Variants in CFAP299 observed in about 807,000 individuals in gnomAD.
CFAP299 encodes the protein cilia- and flagella-associated protein 299.
Under a neutral mutation model 27.0 loss-of-function variants are expected in CFAP299, and 21 were observed. That is an observed-to-expected ratio of 0.78 (90% CI 0.55 to 1.12). The LOEUF (loss-of-function observed/expected upper bound fraction) is 1.12, where lower values mean the gene tolerates loss of function less well. Among genes scored for constraint, CFAP299 ranks in the 50% most tolerant of loss-of-function variants. The pLI, the probability that CFAP299 is intolerant of heterozygous loss-of-function variation, is 0.00. For missense variants in CFAP299, 310 were observed against 276.6 expected (o/e 1.12, Z -0.86); for synonymous variants, 104 against 98.1 (o/e 1.06, Z -0.36).
At chr4:80,863,016 T>A (rs2110160896) in intron 3 of CFAP299, among the ~76,000 whole-genome samples, 1 of 152,288 alleles carries the variant, frequency 6.6e-6, no homozygotes, top group South Asian at 2.1e-4. Context: ...CTAAAATTAA[T>A]GATTCATTAG....
intron 3 of CFAP299, among the ~76,000 whole-genome samples, chr4:80,617,782 T>C (rs937954711): frequency 1.3e-5 from 2 of 152,158 alleles, no homozygotes; most frequent in African/African-American, 2.4e-5. Flanking sequence ...CCTTAAAGCA[T>C]ATTGAAACTA....
At chr4:80,516,010 T>C (rs35689527) in intron 2 of CFAP299, among the ~76,000 whole-genome samples, 1 of 150,190 alleles carries the variant, frequency 6.7e-6, no homozygotes, top group African/African-American at 2.5e-5. Flanking sequence ...AGTCTGTTTC[T>C]GCATTTCTTT....
At chr4:80,762,306 G>C (rs1725582879) in intron 3 of CFAP299, among the ~76,000 whole-genome samples, 1 of 151,902 alleles carries the variant, frequency 6.6e-6, no homozygotes, top group Non-Finnish European at 1.5e-5. Context: ...CCAAAAATTT[G>C]ACCTTGTGGA....
chr4:80,862,072 C>A (rs2110159963), intron 3 of CFAP299, among the ~76,000 whole-genome samples: 1 of 152,204 alleles, frequency 6.6e-6, no homozygotes, highest in Non-Finnish European at 1.5e-5. Context: ...ACCGGCAATT[C>A]AAAATAAAGC....
chr4:80,645,705 C>G (rs1466601554), intron 3 of CFAP299, among the ~76,000 whole-genome samples: 2 of 152,120 alleles, frequency 1.3e-5, no homozygotes, highest in Non-Finnish European at 2.9e-5. Flanking sequence ...GATAGAACTT[C>G]AGGTAGTTTA....
intron 3 of CFAP299, among the ~76,000 whole-genome samples, chr4:80,731,912 A>T (rs1723547174): frequency 6.6e-6 from 1 of 152,138 alleles, no homozygotes; most frequent in South Asian, 2.1e-4. Context: ...CCATAATTTT[A>T]AATTTATCAG....
chr4:80,668,147 T>G, intron 3 of CFAP299, among the ~76,000 whole-genome samples: 1 of 67,934 alleles, frequency 1.5e-5, no homozygotes. Flanking sequence ...CTTTTGTTTG[T>G]TTTTAAATAA....
the CFAP299 span, among the ~76,000 whole-genome samples, chr4:80,326,859 CT>C: frequency 6.6e-6 from 1 of 152,052 alleles, no homozygotes; most frequent in Admixed American, 6.5e-5. Context: ...ATATTTTAAA[CT>C]TTGGGTAGTC....
intron 3 of CFAP299, among the ~76,000 whole-genome samples, chr4:80,860,480 T>A (rs1158198948): frequency 6.6e-6 from 1 of 152,204 alleles, no homozygotes; most frequent in Non-Finnish European, 1.5e-5. Flanking sequence ...GGAGGAGAAG[T>A]GCTCTGCTTT....
chr4:80,859,578 C>G (rs569413926), intron 3 of CFAP299, among the ~76,000 whole-genome samples: 2 of 152,056 alleles, frequency 1.3e-5, no homozygotes, highest in Non-Finnish European at 2.9e-5. Context: ...TTAGCACTTC[C>G]TTCAGGAACT....
intron 1 of CFAP299, among the ~76,000 whole-genome samples, chr4:80,346,745 T>G (rs1369424645): frequency 6.6e-6 from 1 of 152,190 alleles, no homozygotes; most frequent in Non-Finnish European, 1.5e-5. Context: ...AGGATTGACT[T>G]GGCGATGCGG....
At chr4:80,326,056 A>G in the CFAP299 span, among the ~76,000 whole-genome samples, 47 of 152,270 alleles carry the variant, frequency 3.1e-4, no homozygotes, top group African/African-American at 1.1e-3. Flanking sequence ...GTTTATTTCA[A>G]TTAGCTGCAT....
At chr4:80,802,165 G>A (rs1413196932) in intron 3 of CFAP299, among the ~76,000 whole-genome samples, 2 of 151,988 alleles carry the variant, frequency 1.3e-5, no homozygotes, top group African/African-American at 2.4e-5. Context: ...TCAAACACCT[G>A]GTGTATTTTA....
chr4:80,621,108 C>CT (rs1184576784), intron 3 of CFAP299, among the ~76,000 whole-genome samples: 1 of 151,938 alleles, frequency 6.6e-6, no homozygotes, highest in East Asian at 1.9e-4. Context: ...TGCTTCCTTC[C>CT]TTTAACTATT....
intron 5 of CFAP299, among the ~76,000 whole-genome samples, chr4:80,953,942 T>A (rs761035922): frequency 3.3e-5 from 5 of 152,094 alleles, no homozygotes; most frequent in Non-Finnish European, 7.4e-5. Context: ...TAATCAAACA[T>A]GATGCCAAAA....
intron 2 of CFAP299, among the ~76,000 whole-genome samples, chr4:80,504,056 A>G (rs1310310402): frequency 3.3e-5 from 5 of 152,090 alleles, no homozygotes; most frequent in African/African-American, 1.2e-4. Context: ...TAGATGTATA[A>G]TCCAAACTGT....
chr4:80,346,221 G>A (rs1722719408), intron 1 of CFAP299, among the ~76,000 whole-genome samples: 1 of 152,102 alleles, frequency 6.6e-6, no homozygotes, highest in South Asian at 2.1e-4. Context: ...CCATTCTGTA[G>A]GTTGCCTCTT....
At chr4:80,478,070 C>T (rs1200663214) in intron 2 of CFAP299, among the ~76,000 whole-genome samples, 1 of 152,094 alleles carries the variant, frequency 6.6e-6, no homozygotes, top group African/African-American at 2.4e-5. Context: ...ATTTACTCCC[C>T]CAGAAAATTT....
At chr4:80,802,875 A>T (rs1456573453) in intron 3 of CFAP299, among the ~76,000 whole-genome samples, 1 of 152,062 alleles carries the variant, frequency 6.6e-6, no homozygotes, top group African/African-American at 2.4e-5. Flanking sequence ...TAACTCCTTT[A>T]TAGTGAAATC....
Sources: allele counts gnomAD v4.1 joint callset (sites outside exome capture counted in the v4.1 genomes callset), GRCh38; gene constraint gnomAD v4.1.1; transcripts MANE v1.5; gene names NCBI Gene and HGNC (gene_info 2026-07-23, HGNC 2026-07-21).